The following APAF1 variants were observed in gnomAD, a reference collection of about 807,000 sequenced individuals.
The protein encoded by APAF1 is apoptotic peptidase activating factor 1.
Under a neutral mutation model 152.4 loss-of-function variants are expected in APAF1, and 91 were observed. The observed-to-expected ratio is 0.60, with a 90% CI of 0.50 to 0.71. The LOEUF is 0.71. APAF1 is among the 30% of genes least tolerant of loss of function. The pLI, the probability that APAF1 is intolerant of heterozygous loss-of-function variation, is 0.00. For missense variants in APAF1, 1,283 were observed against 1,472.0 expected, an observed-to-expected ratio of 0.87 and a Z score of 2.10; for synonymous variants, 484 against 494.1, an observed-to-expected ratio of 0.98 and a Z score of 0.27.
At chr12:98,687,672 C>T (rs1463822781) in intron 16 of APAF1, among the ~76,000 whole-genome samples, 2 of 152,076 alleles carry the variant, frequency 1.3e-5, no homozygotes, top group East Asian at 1.9e-4. Context: ...ATGAGGGTAG[C>T]GCCCTCATGA....
At chr12:98,682,816 T>A (rs76302028) in intron 14 of APAF1, among the ~76,000 whole-genome samples, 1 of 152,224 alleles carries the variant, frequency 6.6e-6, no homozygotes, top group Non-Finnish European at 1.5e-5. Flanking sequence ...AAATCTATTA[T>A]GCTAACCTCT....
intron 26 of APAF1, among the ~76,000 whole-genome samples, chr12:98,728,309 G>A (rs2097754256): frequency 6.6e-6 from 1 of 152,196 alleles, no homozygotes; most frequent in Admixed American, 6.5e-5. Flanking sequence ...TGGCTTTATA[G>A]TTTACAAAAC....
At position 98,735,255 on chromosome 12, in the gene APAF1, T is replaced by C; in HGVS notation, c.*2689T>C. 2.5e-6 allele frequency: 1 copy of C among 399,484 alleles called. No homozygotes were observed. The highest frequency in any genetic ancestry group is 4.4e-6 in the Non-Finnish European group (1 of 226,658). 24.7% of individuals were successfully genotyped at this position (399,484 alleles called of 1,614,324 possible). ...TCCCTTGCTGTATTTTTTTGTATTATAAATTACATTGGACTTCATATATAT... is the reference window on the plus strand; with the variant it reads ...TCCCTTGCTGTATTTTTTTGTATTACAAATTACATTGGACTTCATATATAT... On this transcript the variant is annotated 3_prime_UTR_variant, in exon 27 of 27. Transcript: ENST00000551964.
intron 1 of APAF1, among the ~76,000 whole-genome samples, chr12:98,647,705 G>GT (rs66849928): frequency 0.01 from 1,072 of 105,494 alleles, 12 homozygotes; most frequent in South Asian, 0.04. Flanking sequence ...TCATGTTTCT[G>GT]TTTTTTTTTT....
At chr12:98,670,951 T>C in intron 10 of APAF1, 22 bp from the exon 11 acceptor site, 3 of 1,502,552 alleles carry the variant, frequency 2.0e-6, no homozygotes, top group Non-Finnish European at 2.8e-6. Flanking sequence ...GTGCTGCTGA[T>C]ACTACTTTTT....
In APAF1 at chr12:98,682,272, G is replaced by C. The variant is rs901140385; in HGVS notation, c.2047-871G>C. Among the ~76,000 whole-genome samples the C allele has an allele frequency of 2.6e-5, 4 of 151,804 alleles. No individual in the cohort carries two copies. The South Asian group carries it at 6.2e-4, about 24-fold the overall frequency. ...GTTTCACCATGTTAGCCAGGATGGT[G>C]TTGATCTCCTGACCTCGTGATCTGC... is the stretch of plus-strand genomic sequence containing the variant. On this transcript the variant is annotated intron_variant, in intron 14 of 26. Coordinates refer to ENST00000551964, the MANE Select transcript of APAF1 (RefSeq NM_181861.2).
At chr12:98,697,956 T>G (rs1005241285) in intron 16 of APAF1, among the ~76,000 whole-genome samples, 4 of 152,212 alleles carry the variant, frequency 2.6e-5, no homozygotes, top group African/African-American at 7.2e-5. Context: ...ATTTGCCATT[T>G]AAAGCACGCA....
At chr12:98,725,356 A>G in intron 24 of APAF1, 59 bp from the exon 25 acceptor site, 2 of 1,608,420 alleles carry the variant, frequency 1.2e-6, no homozygotes, top group Non-Finnish European at 1.7e-6. Flanking sequence ...ATAGCAATCA[A>G]GGCAGATGCT....
At chr12:98,650,757 G>C (rs2097647961) in intron 4 of APAF1, among the ~76,000 whole-genome samples, 1 of 152,122 alleles carries the variant, frequency 6.6e-6, no homozygotes, top group African/African-American at 2.4e-5. Context: ...CTGAGACTTA[G>C]CTCCTTTCAA....
chr12:98,719,666 A>G (rs1184866935), intron 22 of APAF1, among the ~76,000 whole-genome samples: 1 of 151,714 alleles, frequency 6.6e-6, no homozygotes, highest in East Asian at 1.9e-4. Flanking sequence ...TTGACTTTTT[A>G]TAATGCCTTT....
rs531709710 is a variant in APAF1, at chr12:98,718,072, T to C, written c.3084+2520T>C. Among the ~76,000 whole-genome samples the C allele has an allele frequency of 3.3e-5, 5 of 152,300 alleles. No homozygotes were observed. The South Asian group carries it at 1.0e-3, about 32-fold the overall frequency. ...CAACATTTAGTATGTACACCTTCCC[T>C]TGATCCCTCATTCTCAGAATTGTAA... is the stretch of plus-strand genomic sequence containing the variant. On this transcript the variant is annotated intron_variant, in intron 22 of 26. Transcript: ENST00000551964.
intron 24 of APAF1, among the ~76,000 whole-genome samples, chr12:98,724,765 C>G (rs2097747998): frequency 6.6e-6 from 1 of 152,118 alleles, no homozygotes; most frequent in Non-Finnish European, 1.5e-5. Flanking sequence ...ATAAACTTTT[C>G]AAGGATAGTG....
intron 22 of APAF1, 47 bp from the exon 23 acceptor site, chr12:98,723,146 A>C (rs752844788): frequency 4.4e-6 from 7 of 1,599,822 alleles, no homozygotes; most frequent in Non-Finnish European, 5.1e-6. Flanking sequence ...CTCCAATGAG[A>C]TAGGATCGGG....
intron 26 of APAF1, among the ~76,000 whole-genome samples, chr12:98,732,095 T>C (rs1342308544): frequency 6.6e-6 from 1 of 152,132 alleles, no homozygotes; most frequent in African/African-American, 2.4e-5. Context: ...GAGAAGGACA[T>C]GCAGACAAGA....
chr12:98,710,292 T>A (rs898692388), intron 20 of APAF1, among the ~76,000 whole-genome samples: 19 of 152,054 alleles, frequency 1.2e-4, no homozygotes, highest in African/African-American at 4.4e-4. Context: ...AGTTAACTTT[T>A]TCCATATGGG....
At chr12:98,668,310 T>A (rs2153318607) in intron 10 of APAF1, among the ~76,000 whole-genome samples, 1 of 152,338 alleles carries the variant, frequency 6.6e-6, no homozygotes, top group East Asian at 1.9e-4. Context: ...AATCCTCTTC[T>A]TACTAGTAGC....
rs1442475960 is a variant in APAF1 at position 98,703,602 on chromosome 12, G to T, written c.2595+103G>T. The T allele has an allele frequency of 2.8e-6, 4 of 1,431,572 alleles. No homozygotes were observed. The East Asian group carries it at 9.1e-5, about 33-fold the overall frequency. The allele number at this position is 1,431,572 out of a possible 1,614,324, so 88.7% of individuals were successfully genotyped here. Reference sequence around the variant, plus strand: ...TTAACTGCTGAGGAGCCTTGCTTGAGAAATTATAGAGTATTTTCTTTATAG... The same window carrying T: ...TTAACTGCTGAGGAGCCTTGCTTGATAAATTATAGAGTATTTTCTTTATAG... On this transcript the variant is annotated intron_variant, in intron 18 of 26. Transcript: ENST00000551964.
intron 26 of APAF1, among the ~76,000 whole-genome samples, chr12:98,732,059 A>G (rs895685960): frequency 1.3e-5 from 2 of 152,054 alleles, no homozygotes; most frequent in Non-Finnish European, 2.9e-5. Context: ...GAGTGAAGAG[A>G]GGGGGAATCT....
At chr12:98,673,457 CAAAA>C (rs1007721760) in intron 12 of APAF1, among the ~76,000 whole-genome samples, 1 of 137,832 alleles carries the variant, frequency 7.3e-6, no homozygotes, top group African/African-American at 2.6e-5. Flanking sequence ...AAAAAAAAAA[CAAAA>C]AAAAAACCTT....
Sources: gnomAD v4.1 joint callset for allele counts (sites outside exome capture counted in the v4.1 genomes callset) on GRCh38, gnomAD v4.1.1 for gene constraint, MANE v1.5 for transcripts, NCBI Gene and HGNC (gene_info 2026-07-23, HGNC 2026-07-21) for gene names.